Variants in FAM135A observed in about 807,000 individuals in gnomAD.
FAM135A encodes the protein family with sequence similarity 135 member A.
In FAM135A, 79 loss-of-function variants were observed where a neutral mutation model predicts 146.8. The observed-to-expected ratio is 0.54, with a 90% CI of 0.45 to 0.65. The LOEUF (loss-of-function observed/expected upper bound fraction) is 0.65, where lower values mean the gene tolerates loss of function less well. Ranked by LOEUF, FAM135A falls within the 30% of genes least tolerant of loss-of-function variation. FAM135A has a pLI of 0.00. For missense variants in FAM135A, 1,623 were observed against 1,758.2 expected (o/e 0.92, Z 1.38); for synonymous variants, 562 against 603.6 (o/e 0.93, Z 1.01).
chr6:70,465,999 A>G (rs921562897), intron 5 of FAM135A, among the ~76,000 whole-genome samples: 3 of 152,132 alleles, frequency 2.0e-5, no homozygotes, highest in Admixed American at 6.5e-5. Flanking sequence ...GTTCACCCCC[A>G]TATTGTAAGA....
chr6:70,544,733 T>C (rs867897461), intron 20 of FAM135A, among the ~76,000 whole-genome samples: 1 of 149,674 alleles, frequency 6.7e-6, no homozygotes, highest in African/African-American at 2.5e-5. Context: ...AGCCAGACTT[T>C]GTCTCAAAAA....
At chr6:70,530,840 T>C (rs1795663869) in intron 16 of FAM135A, among the ~76,000 whole-genome samples, 1 of 152,200 alleles carries the variant, frequency 6.6e-6, no homozygotes, top group African/African-American at 2.4e-5. Flanking sequence ...GCAAACTCTG[T>C]CTAGTTCAAG....
chr6:70,498,952 T>C (rs1787920133), intron 11 of FAM135A, among the ~76,000 whole-genome samples: 1 of 152,222 alleles, frequency 6.6e-6, no homozygotes, highest in Non-Finnish European at 1.5e-5. Context: ...GTATATTCTG[T>C]TGATTTGGGG....
At position 70,415,341 on chromosome 6, in the gene FAM135A, C is replaced by A. The variant is rs755120991; in HGVS notation, c.-169C>A. The A allele has an allele frequency of 6.6e-6, 1 of 152,072 alleles. No individual in the cohort carries two copies. The highest frequency in any genetic ancestry group is 1.5e-5 in the Non-Finnish European group (1 of 68,016). The allele number at this position is 152,072 out of a possible 1,614,324, so 9.4% of individuals were successfully genotyped here. ...TTTGGTTCTGGAATCTCAAAGCAGT[C>A]CACAAACAAATTCTTCCTTATGTTG... On this transcript the variant is annotated 5_prime_UTR_variant, in exon 2 of 22. Coordinates refer to ENST00000418814, the MANE Select transcript of FAM135A (RefSeq NM_001162529.3).
Position 70,475,443 on chromosome 6 carries a change from A to T in FAM135A, c.191A>T (p.Asp64Val). The T allele has an allele frequency of 6.2e-7, 1 of 1,601,694 alleles. No individual in the cohort carries two copies. Among genetic ancestry groups the T allele is most frequent in the Non-Finnish European group, 8.5e-7 (1 of 1,174,692 alleles). ...TTAGCCTTTCCAGCCTCAGTTCATG[A>T]TTCTCTAATTTGCAGTAAAACATTT... ...MTLAFPASVH[D>V]SLICSKTFQI... The change falls in exon 6 of 22, where the codon GAT becomes GTT. Residue 64 changes from aspartate to valine, a missense_variant. Asp to Val is a radical substitution (Grantham distance 152). Coordinates refer to ENST00000418814, the MANE Select transcript of FAM135A (RefSeq NM_001162529.3).
At chr6:70,462,761 G>C (rs1779670162) in intron 5 of FAM135A, among the ~76,000 whole-genome samples, 1 of 152,092 alleles carries the variant, frequency 6.6e-6, no homozygotes, top group South Asian at 2.1e-4. Flanking sequence ...CAGCTTTTAG[G>C]TAGGTGATAG....
chr6:70,549,300 T>C (rs1017891197), intron 20 of FAM135A, among the ~76,000 whole-genome samples: 6 of 152,220 alleles, frequency 3.9e-5, no homozygotes, highest in Admixed American at 3.3e-4. Context: ...TAATTCCATG[T>C]AGTAGTTAAA....
intron 16 of FAM135A, 110 bp from the exon 17 acceptor site, chr6:70,533,050 C>T (rs1796125749): frequency 1.2e-6 from 1 of 810,896 alleles, no homozygotes; most frequent in South Asian, 1.5e-5. Context: ...TGTCTGTTCA[C>T]AAATGGCATA....
intron 2 of FAM135A, among the ~76,000 whole-genome samples, chr6:70,416,245 G>C (rs961045396): frequency 1.6e-4 from 25 of 152,084 alleles, no homozygotes; most frequent in Non-Finnish European, 1.2e-4. Flanking sequence ...ATTAGTTAAT[G>C]TTCATACACA....
At chr6:70,543,333 G>A (rs1224723963) in intron 20 of FAM135A, among the ~76,000 whole-genome samples, 2 of 152,050 alleles carry the variant, frequency 1.3e-5, no homozygotes, top group Non-Finnish European at 2.9e-5. Flanking sequence ...GATATTAATA[G>A]ATTTAGTTAT....
chr6:70,492,561 G>A (rs1786244520), intron 11 of FAM135A, among the ~76,000 whole-genome samples: 2 of 151,464 alleles, frequency 1.3e-5, no homozygotes, highest in East Asian at 3.9e-4. Flanking sequence ...AGGATAGACT[G>A]GAAGAGAATA....
At chr6:70,540,162 T>A (rs1203487215) in intron 20 of FAM135A, among the ~76,000 whole-genome samples, 1 of 152,148 alleles carries the variant, frequency 6.6e-6, no homozygotes, top group African/African-American at 2.4e-5. Context: ...AACTCCAGTG[T>A]CCCTTCATTC....
chr6:70,442,737 CA>C (rs138281077), intron 4 of FAM135A, among the ~76,000 whole-genome samples: 17 of 150,094 alleles, frequency 1.1e-4, no homozygotes, highest in African/African-American at 2.9e-4. Context: ...CATCATATCC[CA>C]AAAAAAAAGA....
chr6:70,413,939 C>T, intron 1 of FAM135A: 22 of 985,538 alleles, frequency 2.2e-5, no homozygotes, highest in South Asian at 4.7e-5. Context: ...GCGCGCTGCT[C>T]TCCCGGTGCC....
intron 12 of FAM135A, among the ~76,000 whole-genome samples, chr6:70,508,980 G>A (rs1790413905): frequency 6.6e-6 from 1 of 152,136 alleles, no homozygotes; most frequent in African/African-American, 2.4e-5. Context: ...ATTCTTGTGT[G>A]GAAGCAGGGC....
At chr6:70,437,147 T>G (rs1773359602) in intron 4 of FAM135A, among the ~76,000 whole-genome samples, 1 of 152,146 alleles carries the variant, frequency 6.6e-6, no homozygotes, top group Non-Finnish European at 1.5e-5. Context: ...ATGTAACTTA[T>G]GAAACAATTT....
In FAM135A at chr6:70,445,852, G is replaced by C. The variant is rs187040365; in HGVS notation, c.78-6640G>C. On this transcript the variant is annotated intron_variant, in intron 4 of 21. Coordinates refer to ENST00000418814, the MANE Select transcript of FAM135A (RefSeq NM_001162529.3). ...AGTTTAATGGCCAGATTCGGGGCGGGGGGGGCTGTTCCCAACATATCCCCC... is the reference window on the plus strand; with the variant it reads ...AGTTTAATGGCCAGATTCGGGGCGGCGGGGGCTGTTCCCAACATATCCCCC... Among the ~76,000 whole-genome samples, 201 of 152,312 alleles carry C rather than the reference G, an allele frequency of 1.3e-3. 2 individuals carry two copies. The East Asian group carries it at 0.037, about 28-fold the overall frequency.
At chr6:70,482,274 A>G (rs1214124525) in intron 10 of FAM135A, 120 bp downstream of exon 10, 1 of 917,446 alleles carries the variant, frequency 1.1e-6, no homozygotes, top group East Asian at 2.9e-5. Flanking sequence ...TGTGTGCTTC[A>G]CTTCTCTATC....
chr6:70,439,223 T>C (rs565804328), intron 4 of FAM135A, among the ~76,000 whole-genome samples: 1 of 152,294 alleles, frequency 6.6e-6, no homozygotes, highest in African/African-American at 2.4e-5. Flanking sequence ...CCCAGAAACG[T>C]GTTCTGATTG....
Sources: gnomAD v4.1 joint callset for allele counts (sites outside exome capture counted in the v4.1 genomes callset) on GRCh38, gnomAD v4.1.1 for gene constraint, MANE v1.5 for transcripts, NCBI Gene and HGNC (gene_info 2026-07-23, HGNC 2026-07-21) for gene names.